Variants in GPHN observed in about 807,000 individuals in gnomAD.
GPHN encodes gephyrin.
In GPHN, 17 loss-of-function variants were observed where a neutral mutation model predicts 95.5. That is an observed-to-expected ratio of 0.18 (90% CI 0.12 to 0.27). GPHN has a LOEUF of 0.27. Ranked by LOEUF, GPHN falls within the 10% of genes least tolerant of loss-of-function variation. The pLI is 1.00. For synonymous variants in GPHN, 320 were observed against 322.5 expected (o/e 0.99, Z 0.08); for missense variants, 660 against 978.1 (o/e 0.67, Z 4.34).
intron 1 of GPHN, among the ~76,000 whole-genome samples, chr14:66,666,878 T>C (rs2065991958): frequency 6.6e-6 from 1 of 152,206 alleles, no homozygotes; most frequent in African/African-American, 2.4e-5. Context: ...ATTCTGTATC[T>C]AGAAAACCCC....
the GPHN span, among the ~76,000 whole-genome samples, chr14:67,276,755 G>A: frequency 6.6e-6 from 1 of 152,134 alleles, no homozygotes; most frequent in Admixed American, 6.6e-5. Flanking sequence ...TTTTCTGAGA[G>A]CAAAGGTTGG....
intron 2 of GPHN, among the ~76,000 whole-genome samples, chr14:66,718,545 C>T (rs1283812530): frequency 6.6e-6 from 1 of 152,172 alleles, no homozygotes; most frequent in East Asian, 1.9e-4. Context: ...GCTGCTGGCT[C>T]AGGTGGCCAG....
chr14:66,874,438 G>A (rs893720155), intron 4 of GPHN, among the ~76,000 whole-genome samples: 1 of 152,126 alleles, frequency 6.6e-6, no homozygotes, highest in Non-Finnish European at 1.5e-5. Flanking sequence ...GCTTCAGAAG[G>A]TGGGTAATAA....
chr14:67,458,898 G>A, the GPHN span, among the ~76,000 whole-genome samples: 6 of 151,620 alleles, frequency 4.0e-5, no homozygotes, highest in Admixed American at 2.0e-4. Context: ...TTTTTGTTTT[G>A]TTTTTTGAGA....
chr14:66,824,621 T>A (rs188452293), intron 4 of GPHN, 55 bp downstream of exon 4: 11 of 803,590 alleles, frequency 1.4e-5, no homozygotes, highest in East Asian at 5.2e-5. Context: ...ATGGTTTTTT[T>A]AATCCTTTTT....
At chr14:67,392,661 C>A in the GPHN span, 1 of 1,608,322 alleles carries the variant, frequency 6.2e-7, no homozygotes, top group Non-Finnish European at 8.5e-7. Flanking sequence ...CCCCAACTTA[C>A]AAAAGTGTAC....
the GPHN span, among the ~76,000 whole-genome samples, chr14:67,405,858 T>C: frequency 6.6e-6 from 1 of 152,226 alleles, no homozygotes; most frequent in African/African-American, 2.4e-5. Context: ...TTCAGGTGAC[T>C]GTCACTCTTG....
intron 12 of GPHN, among the ~76,000 whole-genome samples, chr14:67,096,342 G>A (rs1320452259): frequency 6.6e-6 from 1 of 152,056 alleles, no homozygotes; most frequent in Non-Finnish European, 1.5e-5. Context: ...TCCATACTAG[G>A]CTTGCCCCAG....
chr14:66,972,711 T>C (rs188697036), intron 9 of GPHN, among the ~76,000 whole-genome samples: 2 of 152,134 alleles, frequency 1.3e-5, no homozygotes, highest in East Asian at 3.9e-4. Flanking sequence ...TGTATTAATA[T>C]TGTCATATAA....
intron 1 of GPHN, among the ~76,000 whole-genome samples, chr14:66,563,613 T>A (rs1483718379): frequency 6.6e-6 from 1 of 152,238 alleles, no homozygotes; most frequent in Non-Finnish European, 1.5e-5. Flanking sequence ...AGTCTCATTT[T>A]ACATTCCAAT....
chr14:66,887,454 C>T (rs1205249288), intron 5 of GPHN, among the ~76,000 whole-genome samples: 1 of 152,032 alleles, frequency 6.6e-6, no homozygotes, highest in African/African-American at 2.4e-5. Context: ...GGGCATGGTG[C>T]CACGTGCCTA....
At chr14:66,520,758 T>C (rs1033029675) in intron 1 of GPHN, among the ~76,000 whole-genome samples, 4 of 152,026 alleles carry the variant, frequency 2.6e-5, no homozygotes, top group Non-Finnish European at 4.4e-5. Context: ...GTTTGTTATA[T>C]AGGTAAACTC....
At chr14:67,462,366 A>G in the GPHN span, among the ~76,000 whole-genome samples, 1 of 152,178 alleles carries the variant, frequency 6.6e-6, no homozygotes, top group Admixed American at 6.5e-5. Flanking sequence ...TTAAATTTTT[A>G]GAGAGCCAGG....
chr14:67,597,417 G>GT, the GPHN span, among the ~76,000 whole-genome samples: 223 of 152,168 alleles, frequency 1.5e-3, no homozygotes, highest in African/African-American at 5.2e-3. Context: ...GACTGAGGCT[G>GT]TAGTGAGGGG....
intron 2 of GPHN, among the ~76,000 whole-genome samples, chr14:66,686,033 G>A (rs1257142826): frequency 2.6e-5 from 4 of 152,094 alleles, no homozygotes; most frequent in Non-Finnish European, 5.9e-5. Flanking sequence ...TTTTTGTCAG[G>A]TTTGTCAAAG....
intron 11 of GPHN, among the ~76,000 whole-genome samples, chr14:67,079,652 A>G (rs2076615982): frequency 6.6e-6 from 1 of 152,118 alleles, no homozygotes; most frequent in Admixed American, 6.6e-5. Flanking sequence ...CATCTTAACC[A>G]TTTTTAAGTT....
chr14:67,270,587 CT>C, the GPHN span: 1,650 of 139,568 alleles, frequency 0.012, 28 homozygotes, highest in East Asian at 0.06. Context: ...TGTCAAAGGA[CT>C]TTTTTTTTTT....
chr14:67,128,009 CAT>C (rs752713345), intron 17 of GPHN, among the ~76,000 whole-genome samples: 1 of 152,116 alleles, frequency 6.6e-6, no homozygotes, highest in Non-Finnish European at 1.5e-5. Flanking sequence ...ATACTATTTC[CAT>C]GTCTTCATTC....
chr14:66,850,825 C>T (rs1223272346), intron 4 of GPHN, among the ~76,000 whole-genome samples: 1 of 151,992 alleles, frequency 6.6e-6, no homozygotes, highest in African/African-American at 2.4e-5. Flanking sequence ...TATGATCTTA[C>T]TGGTTAGGAA....
Sources: allele counts gnomAD v4.1 joint callset (sites outside exome capture counted in the v4.1 genomes callset), GRCh38; gene constraint gnomAD v4.1.1; transcripts MANE v1.5; gene names NCBI Gene and HGNC (gene_info 2026-07-23, HGNC 2026-07-21).